SLC49A3: variants seen among roughly 807,000 people sequenced by gnomAD.
SLC49A3 encodes solute carrier family 49 member A3.
In SLC49A3, 50 loss-of-function variants were observed where a neutral mutation model predicts 43.8. The observed-to-expected ratio is 1.14, with a 90% CI of 0.91 to 1.45. SLC49A3 has a LOEUF of 1.45. Ranked by LOEUF, SLC49A3 falls within the 40% of genes most tolerant of loss-of-function variation. The pLI is 0.00. For synonymous variants in SLC49A3, 413 were observed against 352.0 expected (o/e 1.17, Z -1.94); for missense variants, 906 against 774.1 (o/e 1.17, Z -2.02).
chr4:678,110 C>T (rs993046827), downstream of SLC49A3: 23 of 1,564,284 alleles, frequency 1.5e-5, no homozygotes, highest in African/African-American at 1.5e-4. Flanking sequence ...CACAGACGAG[C>T]GTGGGCGTGT....
downstream of SLC49A3, chr4:680,395 G>C: frequency 8.9e-7 from 1 of 1,118,174 alleles, no homozygotes; most frequent in Non-Finnish European, 1.3e-6. Flanking sequence ...CTTGTGGGCA[G>C]AGGCTTGGAG....
At chr4:679,132 G>A (rs1255341691), downstream of SLC49A3, 1 of 1,197,878 alleles carries the variant, frequency 8.3e-7, no homozygotes, top group Non-Finnish European at 1.2e-6. Flanking sequence ...TGGAGCCAGG[G>A]CCCGCGCCTC....
Position 686,673 on chromosome 4 carries a change from T to G in SLC49A3, c.153A>C (p.Ala51=). The G allele has an allele frequency of 6.2e-7, 1 of 1,612,852 alleles. No individual in the cohort carries two copies. Among genetic ancestry groups the G allele is most frequent in the Non-Finnish European group, 8.5e-7 (1 of 1,179,832 alleles). The change falls in exon 2 of 10, where the codon GCA becomes GCC. Residue 51 remains alanine, a synonymous_variant. Transcript: ENST00000322224. ...CCTCAGCAATGACGTCAGCCACAGG[T>G]GCAAAGCTGAGCCACAGCTGCAGGG... is the stretch of plus-strand genomic sequence containing the variant. ...CSNATLWLSF[A]PVADVIAEDL... is the part of the protein sequence containing the mutation.
downstream of SLC49A3, chr4:680,433 C>G (rs1025821546): frequency 4.2e-6 from 6 of 1,440,766 alleles, no homozygotes; most frequent in Non-Finnish European, 5.8e-6. Flanking sequence ...CAGGGGTCTC[C>G]CCTCCTGCCA....
chr4:682,657 C>T (rs1265024732), intron 9 of SLC49A3, 124 bp downstream of exon 9: 19 of 746,172 alleles, frequency 2.5e-5, no homozygotes, highest in East Asian at 1.2e-4. Flanking sequence ...GGACTCCCTG[C>T]GTGGTGCTCA....
At chr4:678,679 A>G (rs533915224), downstream of SLC49A3, 31 of 1,610,582 alleles carry the variant, frequency 1.9e-5, no homozygotes, top group African/African-American at 1.7e-4. Flanking sequence ...GACCAAGAAG[A>G]AGGAAGGGGG....
At chr4:680,607 G>A (rs1047867039), downstream of SLC49A3, 1 of 1,610,076 alleles carries the variant, frequency 6.2e-7, no homozygotes. Flanking sequence ...CGGGCGGCCA[G>A]GGCGGCCCGG....
upstream of SLC49A3, among the ~76,000 whole-genome samples, chr4:691,618 A>G (rs541130272): frequency 1.6e-4 from 24 of 151,690 alleles, no homozygotes; most frequent in Non-Finnish European, 3.5e-4. Flanking sequence ...AAATAAAACA[A>G]GGAAAAAAAA....
At chr4:688,366 C>T (rs964340393) in intron 1 of SLC49A3, among the ~76,000 whole-genome samples, 1 of 152,080 alleles carries the variant, frequency 6.6e-6, no homozygotes, top group Non-Finnish European at 1.5e-5. Flanking sequence ...CCCCTGCCCC[C>T]GAGCTTCCTG....
chr4:682,328 A>G lies in SLC49A3; in HGVS notation c.1310T>C (p.Leu437Pro). Residue 437 changes from leucine to proline, a missense_variant, in exon 10 of 10, where the codon CTG becomes CCG. Transcript: ENST00000322224. Reference sequence around the variant, plus strand: ...GTATGGGGTGTGGAAGAAGACCGCCAGGATGCAGCTGAAGAAGGTGCACAG... The same window carrying G: ...GTATGGGGTGTGGAAGAAGACCGCCGGGATGCAGCTGAAGAAGGTGCACAG... ...AGLCTFFSCI[L>P]AVFFHTPYRR... 1.5e-6 allele frequency: 2 copies of G among 1,349,280 alleles called. No individual in the cohort carries two copies. The highest frequency in any genetic ancestry group is 9.6e-7 in the Non-Finnish European group (1 of 1,040,408). The allele number at this position is 1,349,280 out of a possible 1,614,324, so 83.6% of individuals were successfully genotyped here.
At chr4:679,298 G>A (rs1027491599), downstream of SLC49A3, 4 of 599,314 alleles carry the variant, frequency 6.7e-6, no homozygotes, top group African/African-American at 5.7e-5. Flanking sequence ...AGGCTCCAGG[G>A]AGGGGCTGAC....
chr4:686,289 G>A lies in SLC49A3; in HGVS notation c.308C>T (p.Ala103Val), dbSNP rs1294193418. The A allele has an allele frequency of 8.7e-6, 14 of 1,613,124 alleles. No individual in the cohort carries two copies. Among genetic ancestry groups the A allele is most frequent in the African/African-American group, 4.0e-5 (3 of 74,924 alleles). Residue 103 changes from alanine to valine, a missense_variant, in exon 3 of 10, where the codon GCG becomes GTG. Coordinates refer to ENST00000322224, the MANE Select transcript of SLC49A3 (RefSeq NM_032219.4). Reference sequence around the variant, plus strand: ...CACACTCCCGGCAAAGTTCAGCCACGCACCCAGGATGGTCTGCGAGGAGGG... The same window carrying A: ...CACACTCCCGGCAAAGTTCAGCCACACACCCAGGATGGTCTGCGAGGAGGG... ...VGLRAATILG[A>V]WLNFAGSVLR...
chr4:687,216 G>C (rs751053001), intron 1 of SLC49A3: 1 of 153,224 alleles, frequency 6.5e-6, no homozygotes, highest in Non-Finnish European at 1.5e-5. Context: ...CGCTGCGGCC[G>C]AGGGGAAGGC....
rs764718296 is a variant in SLC49A3, at chr4:684,790, C to G, written c.652G>C (p.Val218Leu). The change falls in exon 5 of 10, where the codon GTG (valine) becomes CTG (leucine). Residue 218 changes from valine to leucine, a missense_variant. Coordinates refer to ENST00000322224, the MANE Select transcript of SLC49A3 (RefSeq NM_032219.4). ...LLSTICLWES[V>L]PPTPPSAGAA... ...CCGGCAGAGGGCGGGGTGGGGGGCA[C>G]ACTCTCCCACAGGCAGATGGTGGAC... 1 of 1,612,392 alleles carries G rather than the reference C, an allele frequency of 6.2e-7. No individual in the cohort carries two copies. Among genetic ancestry groups the G allele is most frequent in the African/African-American group, 1.3e-5 (1 of 74,924 alleles).
intron 2 of SLC49A3, 22 bp from the exon 3 acceptor site, chr4:686,324 C>G (rs1741022897): frequency 6.2e-7 from 1 of 1,611,266 alleles, no homozygotes; most frequent in Non-Finnish European, 8.5e-7. Flanking sequence ...GGGTCGGGGA[C>G]CGGGTCAGGA....
intron 2 of SLC49A3, 37 bp from the exon 3 acceptor site, chr4:686,339 T>C (rs978175579): frequency 1.2e-6 from 2 of 1,604,596 alleles, no homozygotes; most frequent in Admixed American, 1.7e-5. Context: ...TCAGGAACGC[T>C]GCCACCAGCC....
intron 2 of SLC49A3, 91 bp downstream of exon 2, chr4:686,441 G>A: frequency 6.4e-7 from 1 of 1,563,844 alleles, no homozygotes; most frequent in Non-Finnish European, 8.7e-7. Flanking sequence ...GGACTGGTGG[G>A]CCCCGGTCTG....
intron 1 of SLC49A3, among the ~76,000 whole-genome samples, chr4:688,684 C>G (rs1241349477): frequency 6.6e-6 from 1 of 152,132 alleles, no homozygotes; most frequent in Non-Finnish European, 1.5e-5. Context: ...AGAGGGCCAA[C>G]GCAGGGCCAC....
chr4:682,422 C>T, intron 9 of SLC49A3, 46 bp from the exon 10 acceptor site: 2 of 1,312,926 alleles, frequency 1.5e-6, no homozygotes, highest in Non-Finnish European at 2.0e-6. Context: ...GCCCAGGGGC[C>T]ACAGATGGGC....
Sources: gnomAD v4.1 joint callset for allele counts (sites outside exome capture counted in the v4.1 genomes callset) on GRCh38, gnomAD v4.1.1 for gene constraint, MANE v1.5 for transcripts, NCBI Gene and HGNC (gene_info 2026-07-23, HGNC 2026-07-21) for gene names.